The following GRIK4 variants were observed in gnomAD, a reference collection of about 807,000 sequenced individuals.
GRIK4 encodes glutamate ionotropic receptor kainate type subunit 4, also known as glutamate receptor ionotropic, kainate 4.
In GRIK4, 40 loss-of-function variants were observed where a neutral mutation model predicts 104.9. That is an observed-to-expected ratio of 0.38 (90% CI 0.30 to 0.50). The LOEUF is 0.50. Among genes scored for constraint, GRIK4 ranks in the 20% least tolerant of loss-of-function variants. GRIK4 has a pLI of 0.93. For synonymous variants in GRIK4, 485 were observed against 524.9 expected (o/e 0.92, Z 1.04); for missense variants, 1,047 against 1,308.1 (o/e 0.80, Z 3.08).
At chr11:120,698,114 T>A (rs1950486780) in intron 3 of GRIK4, among the ~76,000 whole-genome samples, 1 of 152,096 alleles carries the variant, frequency 6.6e-6, no homozygotes, top group African/African-American at 2.4e-5. Flanking sequence ...ATTTTACAAG[T>A]GTTTTGAAAA....
At chr11:120,827,135 G>A (rs77223730) in intron 6 of GRIK4, among the ~76,000 whole-genome samples, 7,799 of 152,300 alleles carry the variant, frequency 0.051, 224 homozygotes, top group Middle Eastern at 0.092. Context: ...AGGGAAGGAA[G>A]CTTGTTGAAA....
chr11:120,690,905 G>C (rs1476976370), intron 3 of GRIK4, among the ~76,000 whole-genome samples: 1 of 152,190 alleles, frequency 6.6e-6, no homozygotes, highest in Non-Finnish European at 1.5e-5. Flanking sequence ...TCACGTCCTT[G>C]TAGGCCCTCG....
At chr11:120,585,349 T>A (rs1011860805) in intron 1 of GRIK4, among the ~76,000 whole-genome samples, 1 of 151,512 alleles carries the variant, frequency 6.6e-6, no homozygotes, top group East Asian at 2.0e-4. Context: ...CTCTCTTTTT[T>A]TTTTTTCTTT....
At chr11:120,790,910 C>A (rs139494706) in intron 3 of GRIK4, among the ~76,000 whole-genome samples, 1 of 152,094 alleles carries the variant, frequency 6.6e-6, no homozygotes, top group Non-Finnish European at 1.5e-5. Flanking sequence ...TGAAGTGAAA[C>A]TGGGAAGCCA....
chr11:120,695,295 C>T (rs918049145), intron 3 of GRIK4, among the ~76,000 whole-genome samples: 1 of 152,250 alleles, frequency 6.6e-6, no homozygotes, highest in Non-Finnish European at 1.5e-5. Flanking sequence ...AGCTCTCTTC[C>T]AGCCCATCCT....
At chr11:120,715,349 C>T (rs1027049802) in intron 3 of GRIK4, among the ~76,000 whole-genome samples, 1 of 152,150 alleles carries the variant, frequency 6.6e-6, no homozygotes, top group East Asian at 1.9e-4. Flanking sequence ...GAATCACAGA[C>T]CTGTTTGAGC....
At chr11:120,834,300 G>GTGTGTGTGTGTGT (rs199908418) in intron 7 of GRIK4, among the ~76,000 whole-genome samples, 1 of 149,028 alleles carries the variant, frequency 6.7e-6, no homozygotes, top group Non-Finnish European at 1.5e-5. Context: ...GTGTGTGTGT[G>GTGTGTGTGTGTGT]GCCATGCTTT....
chr11:120,638,912 G>A (rs6589824), intron 1 of GRIK4, among the ~76,000 whole-genome samples: 75,010 of 151,664 alleles, frequency 0.49, 20,185 homozygotes, highest in Non-Finnish European at 0.6. Flanking sequence ...CAGGCCTGGA[G>A]CAATAATCCC....
intron 13 of GRIK4, among the ~76,000 whole-genome samples, chr11:120,924,376 C>A (rs1943294063): frequency 6.6e-6 from 1 of 152,052 alleles, no homozygotes; most frequent in Admixed American, 6.6e-5. Context: ...CGTTTAGTGG[C>A]AGGCTCAACA....
At chr11:120,752,067 T>C (rs1951565084) in intron 3 of GRIK4, among the ~76,000 whole-genome samples, 1 of 152,168 alleles carries the variant, frequency 6.6e-6, no homozygotes, top group African/African-American at 2.4e-5. Context: ...CACCAAGCCC[T>C]GACCAGCATC....
intron 1 of GRIK4, among the ~76,000 whole-genome samples, chr11:120,615,316 A>G (rs561569912): frequency 6.6e-6 from 1 of 152,322 alleles, no homozygotes; most frequent in Non-Finnish European, 1.5e-5. Flanking sequence ...CACTTCACAA[A>G]GCATTGAGCG....
intron 18 of GRIK4, 136 bp downstream of exon 18, chr11:120,962,817 T>C: frequency 6.0e-6 from 3 of 502,896 alleles, no homozygotes; most frequent in South Asian, 3.2e-5. Flanking sequence ...ACGTGGGCAT[T>C]CTAAAGTTTT....
At chr11:120,820,647 C>T (rs1412394645) in intron 6 of GRIK4, among the ~76,000 whole-genome samples, 1 of 152,180 alleles carries the variant, frequency 6.6e-6, no homozygotes, top group Admixed American at 6.5e-5. Flanking sequence ...AGTGCCTGAG[C>T]CCCAGGCACC....
intron 1 of GRIK4, among the ~76,000 whole-genome samples, chr11:120,629,854 T>C (rs143337568): frequency 1.3e-4 from 20 of 152,320 alleles, no homozygotes; most frequent in East Asian, 1.2e-3. Flanking sequence ...CTCGGGAATC[T>C]GACATTTTGT....
intron 1 of GRIK4, among the ~76,000 whole-genome samples, chr11:120,569,131 G>A (rs1948366103): frequency 6.6e-6 from 1 of 152,222 alleles, no homozygotes; most frequent in African/African-American, 2.4e-5. Flanking sequence ...GAGGCACCAA[G>A]GTCTATGCCC....
intron 3 of GRIK4, among the ~76,000 whole-genome samples, chr11:120,751,166 A>G (rs1278478257): frequency 6.6e-6 from 1 of 151,556 alleles, no homozygotes; most frequent in Non-Finnish European, 1.5e-5. Context: ...CAGACTCCCT[A>G]CTTCAAGCAC....
intron 1 of GRIK4, among the ~76,000 whole-genome samples, chr11:120,625,604 C>T (rs910001164): frequency 3.3e-5 from 5 of 151,732 alleles, no homozygotes; most frequent in African/African-American, 1.2e-4. Flanking sequence ...TTTCAGTGGG[C>T]ATAGCTCATC....
At chr11:120,839,045 C>G (rs1953652579) in intron 8 of GRIK4, among the ~76,000 whole-genome samples, 1 of 152,088 alleles carries the variant, frequency 6.6e-6, no homozygotes, top group Admixed American at 6.5e-5. Flanking sequence ...CCTTGGCCTC[C>G]AAAAAAGGCT....
intron 4 of GRIK4, among the ~76,000 whole-genome samples, chr11:120,805,571 C>G (rs754692369): frequency 8.5e-5 from 13 of 152,146 alleles, no homozygotes; most frequent in Non-Finnish European, 1.5e-4. Context: ...GGCCTCAGTT[C>G]AGTTTTTACA....
Sources: allele counts gnomAD v4.1 joint callset (sites outside exome capture counted in the v4.1 genomes callset), GRCh38; gene constraint gnomAD v4.1.1; transcripts MANE v1.5; gene names NCBI Gene and HGNC (gene_info 2026-07-23, HGNC 2026-07-21).